GRID1: variants seen among roughly 807,000 people sequenced by gnomAD.
GRID1 encodes glutamate receptor ionotropic, delta-1.
In GRID1, 28 loss-of-function variants were observed where a neutral mutation model predicts 98.0. That is an observed-to-expected ratio of 0.29 (90% CI 0.21 to 0.39). The LOEUF is 0.39. Among genes scored for constraint, GRID1 ranks in the 10% least tolerant of loss-of-function variants. GRID1 has a pLI of 1.00. For missense variants in GRID1, 1,111 were observed against 1,340.5 expected, an observed-to-expected ratio of 0.83 and a Z score of 2.67; for synonymous variants, 553 against 538.5, an observed-to-expected ratio of 1.03 and a Z score of -0.37.
intron 8 of GRID1, among the ~76,000 whole-genome samples, chr10:85,767,441 C>T (rs1019776287): frequency 2.0e-5 from 3 of 152,048 alleles, no homozygotes; most frequent in Non-Finnish European, 2.9e-5. Context: ...ATTAAAAATT[C>T]AAATAATTTA....
At chr10:85,903,189 T>C (rs1169259099) in intron 5 of GRID1, among the ~76,000 whole-genome samples, 6 of 152,156 alleles carry the variant, frequency 3.9e-5, no homozygotes, top group African/African-American at 9.7e-5. Flanking sequence ...AATGGTCTAA[T>C]AGGTATCTCA....
chr10:85,603,382 T>C (rs1487514787), intron 15 of GRID1, among the ~76,000 whole-genome samples: 1 of 152,142 alleles, frequency 6.6e-6, no homozygotes, highest in African/African-American at 2.4e-5. Context: ...GAATGGGACT[T>C]CCCCAGGGTC....
At chr10:86,299,917 T>C (rs1477360443) in intron 2 of GRID1, among the ~76,000 whole-genome samples, 1 of 152,218 alleles carries the variant, frequency 6.6e-6, no homozygotes. Context: ...TGCCTGGACC[T>C]GGCCCAGTGG....
intron 2 of GRID1, among the ~76,000 whole-genome samples, chr10:86,306,814 T>G (rs1847764329): frequency 2.0e-5 from 3 of 152,242 alleles, no homozygotes; most frequent in Non-Finnish European, 1.5e-5. Flanking sequence ...AGCCAGACAG[T>G]TCTGCCTTAC....
intron 2 of GRID1, among the ~76,000 whole-genome samples, chr10:86,248,913 A>T (rs1356633155): frequency 1.3e-5 from 2 of 152,158 alleles, no homozygotes; most frequent in Non-Finnish European, 2.9e-5. Flanking sequence ...GGAGCTGAAA[A>T]AGCAAATCAG....
At chr10:86,049,370 C>A (rs1843468110) in intron 4 of GRID1, among the ~76,000 whole-genome samples, 1 of 152,184 alleles carries the variant, frequency 6.6e-6, no homozygotes, top group Non-Finnish European at 1.5e-5. Context: ...AACGTTCCAG[C>A]AGTGTAGATA....
intron 2 of GRID1, among the ~76,000 whole-genome samples, chr10:86,272,319 A>G (rs1382417118): frequency 6.6e-6 from 1 of 152,226 alleles, no homozygotes; most frequent in Non-Finnish European, 1.5e-5. Flanking sequence ...TCTGGAAAAC[A>G]GTCAAAGGTT....
At position 85,724,543 on chromosome 10, in the gene GRID1, G is replaced by A. The variant is rs749158204; in HGVS notation, c.1667C>T (p.Ser556Phe). 2 of 1,613,826 alleles carry A rather than the reference G, an allele frequency of 1.2e-6. No individual in the cohort carries two copies. Among genetic ancestry groups the A allele is most frequent in the South Asian group, 1.1e-5 (1 of 91,082 alleles). Residue 556 changes from serine (S) to phenylalanine (F), a missense_variant, in exon 11 of 16, where the codon TCC becomes TTC. Transcript: ENST00000327946. ...KKPEEKISIF[S>F]LFAPFDFAVW... ...AGCGAAATCAAATGGAGCAAAGAGG[G>A]AGAAGATGCTGATTTTCTCCTCGGG...
intron 2 of GRID1, among the ~76,000 whole-genome samples, chr10:86,351,194 A>T (rs573321648): frequency 3.9e-5 from 6 of 152,364 alleles, no homozygotes; most frequent in African/African-American, 1.4e-4. Context: ...AAGGAGGATC[A>T]GCTGAAATGG....
chr10:85,643,676 A>T (rs1843150761), intron 13 of GRID1, among the ~76,000 whole-genome samples: 1 of 152,124 alleles, frequency 6.6e-6, no homozygotes, highest in Admixed American at 6.5e-5. Flanking sequence ...CACTTTTATG[A>T]CACTAGTTAT....
chr10:85,843,011 A>G (rs1418963294), intron 8 of GRID1, among the ~76,000 whole-genome samples: 1 of 152,132 alleles, frequency 6.6e-6, no homozygotes, highest in Non-Finnish European at 1.5e-5. Context: ...GAATAGCAAT[A>G]TCCCCCATAA....
intron 2 of GRID1, among the ~76,000 whole-genome samples, chr10:86,309,536 A>G (rs531352217): frequency 1.3e-3 from 205 of 152,332 alleles, no homozygotes; most frequent in Middle Eastern, 0.01. Flanking sequence ...TCAACACAGT[A>G]AAGAATCGGA....
At chr10:86,330,187 C>A (rs1017720296) in intron 2 of GRID1, among the ~76,000 whole-genome samples, 5 of 152,122 alleles carry the variant, frequency 3.3e-5, no homozygotes, top group African/African-American at 1.2e-4. Flanking sequence ...GCCCTTCCTG[C>A]TGACCCCAGA....
intron 11 of GRID1, among the ~76,000 whole-genome samples, chr10:85,723,645 T>C (rs1459225720): frequency 1.3e-5 from 2 of 152,214 alleles, no homozygotes; most frequent in Admixed American, 6.5e-5. Context: ...TCAGCCCTCA[T>C]TAGATGGCTT....
Position 85,687,324 on chromosome 10 carries a change from C to A in GRID1, c.1997+35679G>T, listed in dbSNP as rs139896522. Among the ~76,000 whole-genome samples the A allele has an allele frequency of 4.3e-3, 653 of 152,156 alleles. 5 individuals are homozygous for A. The highest frequency in any genetic ancestry group is 0.014 in the African/African-American group (576 of 41,520). On this transcript the variant is annotated intron_variant, in intron 12 of 15. Transcript: ENST00000327946. ...ATTCTCTAGATTACCTCTCTCTATC[C>A]ATCCAAAAATAGGCAGAGCCAGACA...
At chr10:86,187,397 GCTACCTA>G (rs1845740600) in intron 3 of GRID1, among the ~76,000 whole-genome samples, 1 of 152,192 alleles carries the variant, frequency 6.6e-6, no homozygotes, top group Non-Finnish European at 1.5e-5. Flanking sequence ...CCAAGTTCAT[GCTACCTA>G]GAAAGGCTGG....
At chr10:86,084,708 A>G (rs763210451) in intron 4 of GRID1, among the ~76,000 whole-genome samples, 4 of 152,242 alleles carry the variant, frequency 2.6e-5, no homozygotes, top group Non-Finnish European at 5.9e-5. Context: ...TTAAAAAGGA[A>G]GGAAATTCTG....
intron 12 of GRID1, among the ~76,000 whole-genome samples, chr10:85,657,278 C>G (rs1840911021): frequency 6.6e-6 from 1 of 152,104 alleles, no homozygotes; most frequent in African/African-American, 2.4e-5. Context: ...AATGTTAGTT[C>G]CCCTCCCAGA....
Position 85,723,044 on chromosome 10 carries a change from A to C in GRID1, c.1956T>G (p.Leu652=). The C allele has an allele frequency of 6.2e-7, 1 of 1,612,690 alleles. No homozygotes were observed. Among genetic ancestry groups the C allele is most frequent in the South Asian group, 1.1e-5 (1 of 90,534 alleles). Residue 652 remains leucine (L), a synonymous_variant, in exon 12 of 16, where the codon CTT becomes CTG. Transcript: ENST00000327946. ...TCCTGGACACTGTGAGGAAGGCAGC[A>C]AGGTTGGCTGTGTAGGAGGAGCACA... The part of the protein sequence containing the change: ...LIVCSSYTAN[L]AAFLTVSRMD...
Sources: allele counts gnomAD v4.1 joint callset (sites outside exome capture counted in the v4.1 genomes callset), GRCh38; gene constraint gnomAD v4.1.1; transcripts MANE v1.5; gene names NCBI Gene and HGNC (gene_info 2026-07-23, HGNC 2026-07-21).